Variants in GUCY1A2 observed in about 807,000 individuals in gnomAD.
GUCY1A2 encodes guanylate cyclase 1 soluble subunit alpha 2, also known as guanylate cyclase soluble subunit alpha-2.
GUCY1A2 carries 27 observed loss-of-function variants against 63.5 expected under a neutral mutation model. The observed-to-expected ratio is 0.43, with a 90% CI of 0.31 to 0.59. GUCY1A2 has a LOEUF of 0.59. GUCY1A2 is among the 20% of genes least tolerant of loss of function. GUCY1A2 has a pLI of 0.11. For missense variants in GUCY1A2, 768 were observed against 913.3 expected, an observed-to-expected ratio of 0.84 and a Z score of 2.05; for synonymous variants, 364 against 343.5, an observed-to-expected ratio of 1.06 and a Z score of -0.66.
At chr11:106,890,078 C>T (rs2135477402) in intron 4 of GUCY1A2, among the ~76,000 whole-genome samples, 1 of 152,206 alleles carries the variant, frequency 6.6e-6, no homozygotes, top group Non-Finnish European at 1.5e-5. Context: ...CCATGCTGCC[C>T]TTTCTTCTGA....
At chr11:107,005,301 C>T (rs983586627) in intron 1 of GUCY1A2, among the ~76,000 whole-genome samples, 3 of 152,094 alleles carry the variant, frequency 2.0e-5, no homozygotes, top group African/African-American at 7.2e-5. Flanking sequence ...TTGGAGACAA[C>T]TTCTCACTGT....
chr11:106,980,463 A>G (rs569157018), intron 2 of GUCY1A2, among the ~76,000 whole-genome samples: 3 of 152,182 alleles, frequency 2.0e-5, no homozygotes, highest in Non-Finnish European at 4.4e-5. Context: ...CACCCAATAC[A>G]TCCGAAGAGA....
intron 4 of GUCY1A2, among the ~76,000 whole-genome samples, chr11:106,851,981 G>A (rs1172977678): frequency 6.6e-6 from 1 of 151,910 alleles, no homozygotes; most frequent in Non-Finnish European, 1.5e-5. Context: ...CCAATCATGA[G>A]CAAGGGATGT....
At chr11:106,933,187 G>A (rs1860627692) in intron 4 of GUCY1A2, among the ~76,000 whole-genome samples, 1 of 151,986 alleles carries the variant, frequency 6.6e-6, no homozygotes, top group Admixed American at 6.6e-5. Flanking sequence ...AAAAATGGGA[G>A]AAAATATTCA....
intron 6 of GUCY1A2, among the ~76,000 whole-genome samples, chr11:106,721,263 T>A (rs1863311819): frequency 6.6e-6 from 1 of 152,078 alleles, no homozygotes; most frequent in African/African-American, 2.4e-5. Context: ...TTTGCCATGT[T>A]TCCCAGGCTA....
At chr11:106,882,282 A>G (rs550477069) in intron 4 of GUCY1A2, among the ~76,000 whole-genome samples, 30 of 152,014 alleles carry the variant, frequency 2.0e-4, no homozygotes, top group Non-Finnish European at 3.7e-4. Flanking sequence ...TGGAGATTCT[A>G]AAGGAAAGAC....
chr11:107,006,774 T>C lies in GUCY1A2; in HGVS notation c.303+10979A>G, dbSNP rs528350338. ...ACAGCAGAGTGATAGTTAATACTCA[T>C]AAGGACAACACTGAGGCACTGAAAC... is the stretch of plus-strand genomic sequence containing the variant. On this transcript the variant is annotated intron_variant, in intron 1 of 7. Coordinates refer to ENST00000526355, the MANE Select transcript of GUCY1A2 (RefSeq NM_000855.3). 1.1e-4 allele frequency among the ~76,000 whole-genome samples: 16 copies of C among 152,326 alleles called. No individual in the cohort carries two copies. In the South Asian group the frequency reaches 2.5e-3, roughly 24 times the overall value.
intron 6 of GUCY1A2, among the ~76,000 whole-genome samples, chr11:106,712,016 G>GT (rs918139425): frequency 1.2e-4 from 18 of 151,728 alleles, no homozygotes; most frequent in African/African-American, 2.9e-4. Context: ...TTACCTTGAT[G>GT]TTTTTTTCTT....
At chr11:106,950,054 C>T (rs1477821129) in intron 3 of GUCY1A2, among the ~76,000 whole-genome samples, 1 of 152,210 alleles carries the variant, frequency 6.6e-6, no homozygotes, top group African/African-American at 2.4e-5. Context: ...CCTTTTATCA[C>T]AAGCTTGGGC....
intron 6 of GUCY1A2, among the ~76,000 whole-genome samples, chr11:106,765,840 A>G (rs943945127): frequency 3.3e-5 from 5 of 152,142 alleles, no homozygotes; most frequent in African/African-American, 1.2e-4. Flanking sequence ...GAGGTTTTCT[A>G]AATTCATTTT....
intron 3 of GUCY1A2, among the ~76,000 whole-genome samples, chr11:106,962,357 C>T (rs550117474): frequency 1.3e-5 from 2 of 150,698 alleles, no homozygotes; most frequent in Non-Finnish European, 1.5e-5. Flanking sequence ...CGAGACCATC[C>T]TGGCTAACAT....
chr11:106,850,131 C>G (rs914650862), intron 4 of GUCY1A2, among the ~76,000 whole-genome samples: 19 of 151,844 alleles, frequency 1.3e-4, no homozygotes, highest in South Asian at 1.0e-3. Flanking sequence ...ATAAATGGAA[C>G]CATATTCCCA....
chr11:106,689,993 C>CAAA (rs36069018), intron 7 of GUCY1A2, among the ~76,000 whole-genome samples: 1 of 106,826 alleles, frequency 9.4e-6, no homozygotes. Flanking sequence ...GACTCAGTCT[C>CAAA]AAAAAAAAAA....
chr11:106,910,586 G>A (rs1860280006), intron 4 of GUCY1A2, among the ~76,000 whole-genome samples: 1 of 151,936 alleles, frequency 6.6e-6, no homozygotes, highest in African/African-American at 2.4e-5. Flanking sequence ...CTAGGCACAG[G>A]CCTATATTCC....
At chr11:106,865,450 C>T (rs900991548) in intron 4 of GUCY1A2, among the ~76,000 whole-genome samples, 1 of 151,962 alleles carries the variant, frequency 6.6e-6, no homozygotes, top group Non-Finnish European at 1.5e-5. Flanking sequence ...CACATATACA[C>T]CATGGAATAC....
intron 2 of GUCY1A2, among the ~76,000 whole-genome samples, chr11:106,983,014 G>A (rs1331423587): frequency 6.6e-6 from 1 of 152,176 alleles, no homozygotes; most frequent in Non-Finnish European, 1.5e-5. Flanking sequence ...ACCTCTGGGA[G>A]CAGGGCCCAG....
chr11:106,829,944 G>A (rs1236401888), intron 4 of GUCY1A2, among the ~76,000 whole-genome samples: 6 of 152,184 alleles, frequency 3.9e-5, no homozygotes, highest in African/African-American at 1.4e-4. Flanking sequence ...ATGGCCTGCT[G>A]AGGTGCTTGC....
chr11:106,922,454 T>C (rs1452037872), intron 4 of GUCY1A2, among the ~76,000 whole-genome samples: 1 of 151,244 alleles, frequency 6.6e-6, no homozygotes, highest in Non-Finnish European at 1.5e-5. Context: ...CAGAAACAAA[T>C]ATATATGTAT....
intron 1 of GUCY1A2, among the ~76,000 whole-genome samples, chr11:106,986,669 TC>T (rs1861405705): frequency 6.6e-6 from 1 of 152,130 alleles, no homozygotes; most frequent in Non-Finnish European, 1.5e-5. Flanking sequence ...GATATTTTTT[TC>T]CCCGTTCTTT....
Sources: gnomAD v4.1 joint callset for allele counts (sites outside exome capture counted in the v4.1 genomes callset) on GRCh38, gnomAD v4.1.1 for gene constraint, MANE v1.5 for transcripts, NCBI Gene and HGNC (gene_info 2026-07-23, HGNC 2026-07-21) for gene names.